Variants in MARCHF1 observed in about 807,000 individuals in gnomAD.
The protein encoded by MARCHF1 is membrane associated ring-CH-type finger 1.
Under a neutral mutation model 54.2 loss-of-function variants are expected in MARCHF1, and 40 were observed. That is an observed-to-expected ratio of 0.74 (90% CI 0.57 to 0.96). The LOEUF (loss-of-function observed/expected upper bound fraction) is 0.96. Among genes scored for constraint, MARCHF1 ranks in the 40% least tolerant of loss-of-function variants. The probability of loss-of-function intolerance (pLI) is 0.00; values close to 1 mark genes in which losing one functional copy is unlikely to be tolerated. For missense variants in MARCHF1, 586 were observed against 656.5 expected (o/e 0.89, Z 1.17); for synonymous variants, 236 against 236.3 (o/e 1.00, Z 0.01).
At chr4:164,043,356 A>T (rs1431239623) in intron 2 of MARCHF1, among the ~76,000 whole-genome samples, 1 of 152,168 alleles carries the variant, frequency 6.6e-6, no homozygotes, top group Non-Finnish European at 1.5e-5. Context: ...TTGCAGGCCC[A>T]ATACCACATG....
At chr4:163,947,606 G>A (rs1752049992) in intron 3 of MARCHF1, among the ~76,000 whole-genome samples, 1 of 152,124 alleles carries the variant, frequency 6.6e-6, no homozygotes, top group Non-Finnish European at 1.5e-5. Flanking sequence ...AGACAGAAGA[G>A]GTAAATAAAT....
intron 5 of MARCHF1, among the ~76,000 whole-genome samples, chr4:163,628,139 C>G (rs1460315558): frequency 6.6e-6 from 1 of 151,944 alleles, no homozygotes; most frequent in Non-Finnish European, 1.5e-5. Context: ...AGAGAAAATG[C>G]AAAGTGCACA....
chr4:163,585,943 C>T lies in MARCHF1; in HGVS notation c.1011-14G>A, dbSNP rs1221696089. On this transcript the variant is annotated splice_polypyrimidine_tract_variant and intron_variant, in intron 7 of 9. Transcript: ENST00000514618. ...CAGTGACAGATTCTGCAGAAAGACA[C>T]AGCAGCCAGTATGAGATCTCCCAGA... 1 of 1,592,752 alleles carries T rather than the reference C, an allele frequency of 6.3e-7. No individual in the cohort carries two copies. Among genetic ancestry groups the T allele is most frequent in the Non-Finnish European group, 8.5e-7 (1 of 1,169,778 alleles).
At chr4:164,055,739 T>C (rs35929307) in intron 2 of MARCHF1, among the ~76,000 whole-genome samples, 6,965 of 152,298 alleles carry the variant, frequency 0.046, 214 homozygotes, top group Middle Eastern at 0.14. Context: ...AATTTATAGA[T>C]GCTCTACAGT....
chr4:164,177,245 A>T (rs996624996), intron 1 of MARCHF1, among the ~76,000 whole-genome samples: 1 of 151,912 alleles, frequency 6.6e-6, no homozygotes, highest in African/African-American at 2.4e-5. Flanking sequence ...GATTTGATCA[A>T]TGAATAATCT....
intron 1 of MARCHF1, among the ~76,000 whole-genome samples, chr4:164,118,810 A>G (rs1049597635): frequency 2.6e-5 from 4 of 151,756 alleles, no homozygotes; most frequent in Non-Finnish European, 5.9e-5. Context: ...AAAACACTAA[A>G]ACAGGTAACA....
chr4:164,004,166 A>G (rs1753239403), intron 2 of MARCHF1, among the ~76,000 whole-genome samples: 1 of 151,970 alleles, frequency 6.6e-6, no homozygotes, highest in African/African-American at 2.4e-5. Flanking sequence ...ATCAAGATAA[A>G]TAGCTAATGC....
At chr4:164,341,116 T>C (rs1729915117) in intron 1 of MARCHF1, among the ~76,000 whole-genome samples, 1 of 152,062 alleles carries the variant, frequency 6.6e-6, no homozygotes, top group African/African-American at 2.4e-5. Context: ...AAAGAATGAA[T>C]AATAAAAATC....
rs1748368164 is a variant in MARCHF1, at chr4:163,810,978, C to T, written c.111+43043G>A. 1.3e-5 allele frequency among the ~76,000 whole-genome samples: 2 copies of T among 151,676 alleles called. 1 individual carries two copies. Among genetic ancestry groups the T allele is most frequent in the South Asian group, 4.1e-4 (2 of 4,824 alleles). ...TAAATATTGCTGTTCGTGAGAGGTA[C>T]TTTTTGTTGTTGTTGTTAAATTTGG... On this transcript the variant is annotated intron_variant, in intron 4 of 9. Transcript: ENST00000514618.
intron 5 of MARCHF1, among the ~76,000 whole-genome samples, chr4:163,629,796 C>T (rs916588606): frequency 1.3e-5 from 2 of 150,554 alleles, no homozygotes; most frequent in African/African-American, 2.4e-5. Flanking sequence ...CAAATCTGCA[C>T]GTTCTGCACA....
intron 5 of MARCHF1, among the ~76,000 whole-genome samples, chr4:163,642,234 A>G (rs1459629709): frequency 6.6e-6 from 1 of 152,172 alleles, no homozygotes; most frequent in African/African-American, 2.4e-5. Context: ...TTAAGACCTG[A>G]TTTTAGGTTT....
At chr4:163,600,213 A>G (rs11734311) in intron 7 of MARCHF1, among the ~76,000 whole-genome samples, 50,053 of 151,448 alleles carry the variant, frequency 0.33, 9,157 homozygotes, top group Non-Finnish European at 0.42. Context: ...CACATATTTT[A>G]TATACACACA....
chr4:163,654,759 C>T (rs1297192773), intron 5 of MARCHF1, among the ~76,000 whole-genome samples: 1 of 151,606 alleles, frequency 6.6e-6, no homozygotes, highest in Non-Finnish European at 1.5e-5. Context: ...TTAGGTAAGT[C>T]ACTTGTAAAT....
intron 1 of MARCHF1, among the ~76,000 whole-genome samples, chr4:164,206,451 A>C (rs1731609464): frequency 6.6e-6 from 1 of 152,130 alleles, no homozygotes; most frequent in Non-Finnish European, 1.5e-5. Context: ...TAAATAAATA[A>C]ATTTTATTTC....
chr4:164,046,005 T>C (rs1360072602), intron 2 of MARCHF1, among the ~76,000 whole-genome samples: 2 of 152,178 alleles, frequency 1.3e-5, no homozygotes, highest in Non-Finnish European at 2.9e-5. Flanking sequence ...CAAAAGAAAG[T>C]TTCTTACTCA....
intron 3 of MARCHF1, among the ~76,000 whole-genome samples, chr4:163,854,892 T>C (rs963635751): frequency 9.2e-5 from 14 of 152,150 alleles, no homozygotes; most frequent in African/African-American, 3.1e-4. Flanking sequence ...TGGAGAAACA[T>C]TGTTTCCCCT....
intron 1 of MARCHF1, among the ~76,000 whole-genome samples, chr4:164,226,620 T>C (rs1732262331): frequency 6.6e-6 from 1 of 152,104 alleles, no homozygotes; most frequent in Admixed American, 6.6e-5. Context: ...TATATACATG[T>C]TTATATGTGT....
At chr4:164,220,726 T>C (rs1383183548) in intron 1 of MARCHF1, among the ~76,000 whole-genome samples, 2 of 147,166 alleles carry the variant, frequency 1.4e-5, no homozygotes, top group African/African-American at 4.9e-5. Context: ...ATATGATATA[T>C]GTATATATGT....
chr4:163,852,004 G>T (rs935427929), intron 4 of MARCHF1, among the ~76,000 whole-genome samples: 1 of 152,140 alleles, frequency 6.6e-6, no homozygotes, highest in Non-Finnish European at 1.5e-5. Context: ...ATGTTAAAGT[G>T]TATAGAGGTT....
Sources: gnomAD v4.1 joint callset for allele counts (sites outside exome capture counted in the v4.1 genomes callset) on GRCh38, gnomAD v4.1.1 for gene constraint, MANE v1.5 for transcripts, NCBI Gene and HGNC (gene_info 2026-07-23, HGNC 2026-07-21) for gene names.